The following PROM2 variants were observed in gnomAD, a reference collection of about 807,000 sequenced individuals.
PROM2 encodes the protein prominin 2.
PROM2 carries 90 observed loss-of-function variants against 110.2 expected under a neutral mutation model. The ratio of observed to expected loss-of-function variants is 0.82; its 90% confidence interval spans 0.69 to 0.97. PROM2 has a LOEUF of 0.97. Among genes scored for constraint, PROM2 ranks in the 50% least tolerant of loss-of-function variants. The pLI, the probability that PROM2 is intolerant of heterozygous loss-of-function variation, is 0.00. For synonymous variants in PROM2, 470 were observed against 467.8 expected (o/e 1.00, Z -0.06); for missense variants, 1,009 against 1,074.8 (o/e 0.94, Z 0.86).
chr2:95,280,259 A>G (rs1676972487), intron 11 of PROM2, among the ~76,000 whole-genome samples: 2 of 152,132 alleles, frequency 1.3e-5, no homozygotes, highest in South Asian at 4.1e-4. Flanking sequence ...CCCACCACCA[A>G]TAGGCAGCAG....
rs1573446096 is a variant in PROM2 at position 95,276,954 on chromosome 2, C to T, written c.683-18C>T. The T allele has an allele frequency of 6.5e-7, 1 of 1,549,822 alleles. No individual in the cohort carries two copies. Among genetic ancestry groups the T allele is most frequent in the Non-Finnish European group, 8.7e-7 (1 of 1,145,508 alleles). On this transcript the variant is annotated intron_variant, in intron 5 of 23. Transcript: ENST00000317620. This position sits in a 1 kb window ranked among gnomAD's most constrained non-coding sequence, Gnocchi z 4.6. Reference sequence around the variant, plus strand: ...CACTCTTGGGGTCCCACCCTGCAGACTGCCCTGTGCTCTGCAGGTGTTGGT... The same window carrying T: ...CACTCTTGGGGTCCCACCCTGCAGATTGCCCTGTGCTCTGCAGGTGTTGGT...
chr2:95,276,681 G>T lies in PROM2; in HGVS notation c.682+24G>T, dbSNP rs371089027. 1.4e-5 allele frequency: 23 copies of T among 1,611,836 alleles called. No individual in the cohort carries two copies. Among genetic ancestry groups the T allele is most frequent in the Non-Finnish European group, 1.9e-5 (22 of 1,179,752 alleles). On this transcript the variant is annotated intron_variant, in intron 5 of 23. Transcript: ENST00000317620. The surrounding 1 kb of genome is among the most constrained non-coding windows in gnomAD (Gnocchi z 4.6). Reference sequence around the variant, plus strand: ...TGGTGAGGGTCTCGGGGACTGGCAGGTGGGCTGGCTCCTTCCAGGGCCCCT... The same window carrying T: ...TGGTGAGGGTCTCGGGGACTGGCAGTTGGGCTGGCTCCTTCCAGGGCCCCT...
chr2:95,276,087 G>C lies in PROM2; in HGVS notation c.452G>C (p.Arg151Pro), dbSNP rs568114384. ...KTEHKALACE[R>P]AALMVFLLLT... Reference sequence around the variant, plus strand: ...GAGCACAAGGCGCTGGCCTGTGAGCGCGCGGCCCTCATGGTCTTCCTGCTG... The same window carrying C: ...GAGCACAAGGCGCTGGCCTGTGAGCCCGCGGCCCTCATGGTCTTCCTGCTG... Residue 151 changes from arginine (R) to proline (P), a missense_variant, in exon 3 of 24, where the codon CGC becomes CCC. By Grantham distance (103) the Arg-to-Pro change is moderately radical. Coordinates refer to ENST00000317620, the MANE Select transcript of PROM2 (RefSeq NM_001165978.3). This position sits in a 1 kb window ranked among gnomAD's most constrained non-coding sequence, Gnocchi z 4.6. The C allele has an allele frequency of 6.2e-7, 1 of 1,611,226 alleles. No homozygotes were observed.
chr2:95,279,246 C>G (rs1178513333), intron 10 of PROM2, 102 bp downstream of exon 10: 3 of 901,518 alleles, frequency 3.3e-6, no homozygotes, highest in Non-Finnish European at 4.9e-6. Flanking sequence ...CTATCAGCCC[C>G]TGACTGTACT....
intron 20 of PROM2, 35 bp downstream of exon 20, chr2:95,287,499 T>C (rs1677440218): frequency 1.9e-6 from 3 of 1,599,814 alleles, no homozygotes; most frequent in Non-Finnish European, 1.7e-6. Flanking sequence ...ACTGATTCCC[T>C]GCTCCATCGG....
At chr2:95,278,425 G>A (rs1676807514) in intron 8 of PROM2, 1 of 560,114 alleles carries the variant, frequency 1.8e-6, no homozygotes, top group African/African-American at 1.9e-5. Context: ...TAGAAGGGTG[G>A]ACTGGAGCTG....
At chr2:95,283,238 C>T (rs918646713) in intron 14 of PROM2, among the ~76,000 whole-genome samples, 16 of 152,192 alleles carry the variant, frequency 1.1e-4, no homozygotes, top group African/African-American at 3.4e-4. Context: ...CCTCTACTGG[C>T]AGGAAGCCAT....
At position 95,275,566 on chromosome 2, in the gene PROM2, T is replaced by A; in HGVS notation, c.294+56T>A. On this transcript the variant is annotated intron_variant, in intron 2 of 23. Transcript: ENST00000317620. This position sits in a 1 kb window ranked among gnomAD's most constrained non-coding sequence, Gnocchi z 4.4. ...GGGAGTTCTGGGGTGAGCAGCAGGG[T>A]GGGAGCAGAAAAGCCTTGGCTCCCC... 1 of 1,595,384 alleles carries A rather than the reference T, an allele frequency of 6.3e-7. No individual in the cohort carries two copies. Among genetic ancestry groups the A allele is most frequent in the African/African-American group, 1.3e-5 (1 of 74,570 alleles).
rs1676568364 is a variant in PROM2 at position 95,275,058 on chromosome 2, C to G, written c.244+229C>G. The G allele has an allele frequency of 1.9e-6, 1 of 516,318 alleles. No homozygotes were observed. 32.0% of individuals were successfully genotyped at this position (516,318 alleles called of 1,614,324 possible). On this transcript the variant is annotated intron_variant, in intron 1 of 23. Coordinates refer to ENST00000317620, the MANE Select transcript of PROM2 (RefSeq NM_001165978.3). The surrounding 1 kb of genome is among the most constrained non-coding windows in gnomAD (Gnocchi z 4.4). Reference sequence around the variant, plus strand: ...CTCTGTCTGTAAAGTGAGGAGGTTACATTGGAAATACATTAGACCTGACTC... The same window carrying G: ...CTCTGTCTGTAAAGTGAGGAGGTTAGATTGGAAATACATTAGACCTGACTC...
rs1676789998 is a variant in PROM2, at chr2:95,278,167, C to CA, written c.1050+165dup. The CA allele has an allele frequency of 4.7e-6, 3 of 632,280 alleles. No homozygotes were observed. In the East Asian group the frequency reaches 8.2e-5, roughly 17 times the overall value. 39.2% of individuals were successfully genotyped at this position (632,280 alleles called of 1,614,324 possible). On this transcript the variant is annotated intron_variant, in intron 8 of 23. Coordinates refer to ENST00000317620, the MANE Select transcript of PROM2 (RefSeq NM_001165978.3). ...CCGACGACCATCCTTGGTGTGCACA[C>CA]AATCTGTGCTCAGATGGGAGAGCTG...
chr2:95,291,246 T>TG lies in PROM2; in HGVS notation c.*2038dup, dbSNP rs1677667833. 6.6e-6 allele frequency: 1 copy of TG among 152,124 alleles called. No individual in the cohort carries two copies. The highest frequency in any genetic ancestry group is 1.5e-5 in the Non-Finnish European group (1 of 68,004). 9.4% of individuals were successfully genotyped at this position (152,124 alleles called of 1,614,324 possible). On this transcript the variant is annotated 3_prime_UTR_variant, in exon 24 of 24. Transcript: ENST00000317620. The stretch of plus-strand genomic sequence containing the variant: ...CTTGTTACTCATCTGTTGACCTACC[T>TG]GGGGGAAGTAGCACCCTTGCATTTC...
intron 6 of PROM2, 56 bp downstream of exon 6, chr2:95,277,117 C>G: frequency 1.4e-6 from 2 of 1,446,428 alleles, no homozygotes; most frequent in Non-Finnish European, 1.9e-6. Context: ...CCTCCTGGGG[C>G]GATCCCACCT....
Position 95,289,596 on chromosome 2 carries a change from CAAG to C in PROM2, c.*384_*386del. 6.9e-6 allele frequency: 1 copy of C among 144,998 alleles called. No individual in the cohort carries two copies. 9.0% of individuals were successfully genotyped at this position (144,998 alleles called of 1,614,324 possible). A position where few individuals can be genotyped will look rare whatever the true frequency, so the allele number is the denominator to read the frequency against. On this transcript the variant is annotated 3_prime_UTR_variant, in exon 24 of 24. Transcript: ENST00000317620. ...CCCTTCCCGTGTGTCTTCCCCCTGC[CAAG>C]CCTCCCCCTGCCAAGCCTCCCCCTG...
At chr2:95,286,903 G>A in intron 18 of PROM2, 46 bp downstream of exon 18, 1 of 1,589,806 alleles carries the variant, frequency 6.3e-7, no homozygotes, top group Non-Finnish European at 8.6e-7. Flanking sequence ...AGGGGCTGCA[G>A]AGGCGGGGAG....
chr2:95,282,283 C>A, intron 14 of PROM2, 57 bp downstream of exon 14: 1 of 1,423,362 alleles, frequency 7.0e-7, no homozygotes, highest in South Asian at 1.2e-5. Flanking sequence ...CTCCTCTGGT[C>A]TTTTTGCCTC....
At chr2:95,286,448 C>T (rs558653168) in intron 16 of PROM2, 31 bp from the exon 17 acceptor site, 19 of 1,594,986 alleles carry the variant, frequency 1.2e-5, no homozygotes, top group Middle Eastern at 1.9e-4. Context: ...GGGTCCTGGG[C>T]GGGGCCGTTC....
Position 95,276,823 on chromosome 2 carries a change from T to A in PROM2, c.683-149T>A. Reference sequence around the variant, plus strand: ...GCAAGAGTGGCCGCCACTCAGCTGCTGGAGGAAGAAGCCGTGTCCCCGCTC... The same window carrying A: ...GCAAGAGTGGCCGCCACTCAGCTGCAGGAGGAAGAAGCCGTGTCCCCGCTC... On this transcript the variant is annotated intron_variant, in intron 5 of 23. Transcript: ENST00000317620. This position sits in a 1 kb window ranked among gnomAD's most constrained non-coding sequence, Gnocchi z 4.6. 1 of 1,068,112 alleles carries A rather than the reference T, an allele frequency of 9.4e-7. No individual in the cohort carries two copies. Among genetic ancestry groups the A allele is most frequent in the Non-Finnish European group, 1.4e-6 (1 of 723,318 alleles). 66.2% of individuals were successfully genotyped at this position (1,068,112 alleles called of 1,614,324 possible).
intron 9 of PROM2, 91 bp downstream of exon 9, chr2:95,278,875 G>A (rs565607492): frequency 5.3e-5 from 85 of 1,605,212 alleles, no homozygotes; most frequent in African/African-American, 4.3e-4. Flanking sequence ...CTGGGGTGGC[G>A]GGGGACTGTC....
Position 95,279,151 on chromosome 2 carries a change from G to T in PROM2, c.1274+7G>T. 4.9e-6 allele frequency: 2 copies of T among 404,842 alleles called. No individual in the cohort carries two copies. The highest frequency in any genetic ancestry group is 8.0e-6 in the Non-Finnish European group (2 of 250,992). 25.1% of individuals were successfully genotyped at this position (404,842 alleles called of 1,614,324 possible). On this transcript the variant is annotated splice_region_variant and intron_variant, in intron 10 of 23. Transcript: ENST00000317620. Reference sequence around the variant, plus strand: ...AGAGATACGAGACCTACAGGTGCTGGGCACCGCAGGGTGGGATGGGGTGGG... The same window carrying T: ...AGAGATACGAGACCTACAGGTGCTGTGCACCGCAGGGTGGGATGGGGTGGG...
Sources: allele counts gnomAD v4.1 joint callset (sites outside exome capture counted in the v4.1 genomes callset), GRCh38; gene constraint gnomAD v4.1.1; non-coding constraint Gnocchi (gnomAD v3.1); transcripts MANE v1.5; gene names NCBI Gene and HGNC (gene_info 2026-07-23, HGNC 2026-07-21).